MBD5: variants seen among roughly 807,000 people sequenced by gnomAD.
MBD5 encodes the protein methyl-CpG-binding domain protein 5.
MBD5 carries 13 observed loss-of-function variants against 117.3 expected under a neutral mutation model. The observed-to-expected ratio is 0.11, with a 90% CI of 0.07 to 0.18. MBD5 has a LOEUF of 0.18. Ranked by LOEUF, MBD5 falls within the 10% of genes least tolerant of loss-of-function variation. MBD5 has a pLI of 1.00. For synonymous variants in MBD5, 727 were observed against 766.4 expected (o/e 0.95, Z 0.85); for missense variants, 1,879 against 2,093.8 (o/e 0.90, Z 2.00).
At chr2:148,064,503 G>T (rs902290275) in intron 1 of MBD5, among the ~76,000 whole-genome samples, 14 of 152,154 alleles carry the variant, frequency 9.2e-5, no homozygotes, top group African/African-American at 3.4e-4. Context: ...GAAACTGGTA[G>T]TAGCCTGGAT....
At chr2:148,280,545 C>A (rs555592142) in intron 3 of MBD5, among the ~76,000 whole-genome samples, 1 of 152,288 alleles carries the variant, frequency 6.6e-6, no homozygotes, top group South Asian at 2.1e-4. Flanking sequence ...CATCCTTCCA[C>A]CTCAGCCTCC....
rs1249960148 is a variant in MBD5, at chr2:148,104,619, G to T, written c.-924-74081G>T. 5.3e-5 allele frequency among the ~76,000 whole-genome samples: 8 copies of T among 152,150 alleles called. No homozygotes were observed. The East Asian group carries it at 1.5e-3, about 29-fold the overall frequency. The stretch of plus-strand genomic sequence containing the variant: ...TTTTCAGCATTCTCGATTTGCAGTT[G>T]TATTGTTAATTTTCTTCCCAAAGAA... On this transcript the variant is annotated intron_variant, in intron 1 of 13. Transcript: ENST00000642680.
intron 3 of MBD5, among the ~76,000 whole-genome samples, chr2:148,275,150 A>T (rs1324161881): frequency 6.6e-6 from 1 of 152,146 alleles, no homozygotes; most frequent in African/African-American, 2.4e-5. Context: ...ATTTTTTAAA[A>T]TCGTTAAATT....
chr2:148,310,119 G>A (rs1574269603), intron 3 of MBD5, among the ~76,000 whole-genome samples: 1 of 152,250 alleles, frequency 6.6e-6, no homozygotes, highest in East Asian at 1.9e-4. Flanking sequence ...TTTCTGTTGT[G>A]TCTCTGCCAG....
chr2:148,445,981 GT>G lies in MBD5; in HGVS notation c.-556-12213del, dbSNP rs896868180. 2.7e-5 allele frequency among the ~76,000 whole-genome samples: 4 copies of G among 149,660 alleles called. 1 individual carries two copies. The Middle Eastern group carries it at 0.01, about 390-fold the overall frequency. On this transcript the variant is annotated intron_variant, in intron 4 of 13. Coordinates refer to ENST00000642680, the MANE Select transcript of MBD5 (RefSeq NM_001378120.1). ...TCCTTCGCCCACGATGGGGTTGTTT[GT>G]TTTTTTTTCTTGTAAATTTGTTTGA...
chr2:148,473,360 A>G (rs1680858085), intron 8 of MBD5, among the ~76,000 whole-genome samples: 1 of 152,078 alleles, frequency 6.6e-6, no homozygotes, highest in Non-Finnish European at 1.5e-5. Flanking sequence ...AGGCCTTTAA[A>G]AGAGATGTAG....
chr2:148,154,237 C>T (rs1330338763), intron 1 of MBD5, among the ~76,000 whole-genome samples: 1 of 151,992 alleles, frequency 6.6e-6, no homozygotes, highest in Non-Finnish European at 1.5e-5. Flanking sequence ...GGGTGCCTCC[C>T]AGTTAGGCTG....
chr2:148,180,297 C>A (rs1295489572), intron 2 of MBD5, among the ~76,000 whole-genome samples: 1 of 143,060 alleles, frequency 7.0e-6, no homozygotes, highest in African/African-American at 2.6e-5. Flanking sequence ...ATGGTTCCTT[C>A]TTCTCCACAG....
chr2:148,186,344 C>T (rs1034962601), intron 2 of MBD5, among the ~76,000 whole-genome samples: 3 of 152,188 alleles, frequency 2.0e-5, no homozygotes, highest in African/African-American at 7.2e-5. Flanking sequence ...ACTGTAAGTC[C>T]ATTAAACCAC....
At position 148,502,421 on chromosome 2, in the gene MBD5, C is replaced by G. The variant is rs1241585594; in HGVS notation, c.4963-15C>G. ...GGTCTGGGTAATGTGGTTTGGTCTT[C>G]ATACCTTCACTCAGGTGGAGCCCGA... On this transcript the variant is annotated splice_polypyrimidine_tract_variant and intron_variant, in intron 11 of 13. Coordinates refer to ENST00000642680, the MANE Select transcript of MBD5 (RefSeq NM_001378120.1). 4 of 1,613,444 alleles carry G rather than the reference C, an allele frequency of 2.5e-6. No individual in the cohort carries two copies. The South Asian group carries it at 4.4e-5, about 18-fold the overall frequency.
At chr2:148,331,394 A>C (rs1702651984) in intron 3 of MBD5, among the ~76,000 whole-genome samples, 1 of 151,956 alleles carries the variant, frequency 6.6e-6, no homozygotes, top group Non-Finnish European at 1.5e-5. Flanking sequence ...TGGTAATTTA[A>C]GATTTACTTT....
In MBD5 at chr2:148,160,165, C is replaced by T. The variant is rs368473712; in HGVS notation, c.-924-18535C>T. On this transcript the variant is annotated intron_variant, in intron 1 of 13. Transcript: ENST00000642680. ...CTGTAATCCCAGCACTTTGGGAGGCCGAGGCGGGCAGATCACAAGGTCAGG... is the reference window on the plus strand; with the variant it reads ...CTGTAATCCCAGCACTTTGGGAGGCTGAGGCGGGCAGATCACAAGGTCAGG... Among the ~76,000 whole-genome samples, 13 of 152,054 alleles carry T rather than the reference C, an allele frequency of 8.5e-5. No homozygotes were observed. The East Asian group carries it at 1.2e-3, about 14-fold the overall frequency.
chr2:148,101,713 G>A (rs1373011697), intron 1 of MBD5, among the ~76,000 whole-genome samples: 5 of 152,118 alleles, frequency 3.3e-5, no homozygotes, highest in Admixed American at 3.3e-4. Context: ...TATGCTGTCT[G>A]CTAGCTTCAG....
chr2:148,183,315 A>G (rs1322615484), intron 2 of MBD5, among the ~76,000 whole-genome samples: 1 of 152,056 alleles, frequency 6.6e-6, no homozygotes, highest in Non-Finnish European at 1.5e-5. Flanking sequence ...TGTATTATCG[A>G]AGAAAAATGA....
chr2:148,325,847 C>G lies in MBD5; in HGVS notation c.-679-16367C>G, dbSNP rs980298083. ...TGTCCCTATTTCCTTCAGTTCTGCT[C>G]TGATCTTAGTTACTTCTTGCCTTCA... On this transcript the variant is annotated intron_variant, in intron 3 of 13. Coordinates refer to ENST00000642680, the MANE Select transcript of MBD5 (RefSeq NM_001378120.1). 3.9e-5 allele frequency among the ~76,000 whole-genome samples: 6 copies of G among 152,064 alleles called. No individual in the cohort carries two copies. The South Asian group carries it at 1.2e-3, about 31-fold the overall frequency.
rs1265242887 is a variant in MBD5 at position 148,303,490 on chromosome 2, A to G, written c.-679-38724A>G. ...TTCCAGTTCCAGAGTGTTATTTCAT[A>G]TAAGAATGATTTTGTTTGCTGTTGT... On this transcript the variant is annotated intron_variant, in intron 3 of 13. Coordinates refer to ENST00000642680, the MANE Select transcript of MBD5 (RefSeq NM_001378120.1). Among the ~76,000 whole-genome samples, 3 of 152,232 alleles carry G rather than the reference A, an allele frequency of 2.0e-5. No homozygotes were observed. In the East Asian group the frequency reaches 5.8e-4, roughly 29 times the overall value.
At chr2:148,237,398 A>G (rs1278976028) in intron 3 of MBD5, among the ~76,000 whole-genome samples, 1 of 152,128 alleles carries the variant, frequency 6.6e-6, no homozygotes, top group Non-Finnish European at 1.5e-5. Context: ...CTTTCATGTG[A>G]ACACTTAGAG....
chr2:148,332,370 C>G (rs1415064672), intron 3 of MBD5, among the ~76,000 whole-genome samples: 1 of 152,124 alleles, frequency 6.6e-6, no homozygotes, highest in African/African-American at 2.4e-5. Context: ...GCTTGGTTCT[C>G]TATGTACTTA....
At position 148,450,928 on chromosome 2, in the gene MBD5, G is replaced by C. The variant is rs117085719; in HGVS notation, c.-556-7275G>C. Among the ~76,000 whole-genome samples, 79 of 152,302 alleles carry C rather than the reference G, an allele frequency of 5.2e-4. No homozygotes were observed. In the East Asian group the frequency reaches 0.012, roughly 22 times the overall value. On this transcript the variant is annotated intron_variant, in intron 4 of 13. Coordinates refer to ENST00000642680, the MANE Select transcript of MBD5 (RefSeq NM_001378120.1). Reference sequence around the variant, plus strand: ...AAGATGGGCACAGACAAGCATGGCTGCTACTTTGACTCTGAGGACTGGCCT... The same window carrying C: ...AAGATGGGCACAGACAAGCATGGCTCCTACTTTGACTCTGAGGACTGGCCT...
Sources: allele counts gnomAD v4.1 joint callset (sites outside exome capture counted in the v4.1 genomes callset), GRCh38; gene constraint gnomAD v4.1.1; transcripts MANE v1.5; gene names NCBI Gene and HGNC (gene_info 2026-07-23, HGNC 2026-07-21).